NECTIN3: variants seen among roughly 807,000 people sequenced by gnomAD.
NECTIN3 encodes nectin cell adhesion molecule 3, also known as nectin-3.
Under a neutral mutation model 49.4 loss-of-function variants are expected in NECTIN3, and 8 were observed. That is an observed-to-expected ratio of 0.16 (90% CI 0.10 to 0.29). The LOEUF is 0.29. Ranked by LOEUF, NECTIN3 falls within the 10% of genes least tolerant of loss-of-function variation. The probability of loss-of-function intolerance (pLI) is 1.00; values close to 1 mark genes in which losing one functional copy is unlikely to be tolerated. For synonymous variants in NECTIN3, 277 were observed against 241.1 expected (o/e 1.15, Z -1.38); for missense variants, 581 against 654.6 (o/e 0.89, Z 1.23).
At chr3:111,077,189 G>T (rs1201113063) in intron 1 of NECTIN3, 2 of 437,136 alleles carry the variant, frequency 4.6e-6, no homozygotes, top group African/African-American at 4.0e-5. Context: ...CTTTAGTATG[G>T]CATCCAGGAG....
intron 5 of NECTIN3, among the ~76,000 whole-genome samples, chr3:111,143,154 ATC>A (rs1024660260): frequency 6.6e-6 from 1 of 151,822 alleles, no homozygotes; most frequent in African/African-American, 2.4e-5. Flanking sequence ...GTCATCCCAA[ATC>A]TCTCTCACAT....
Position 111,163,659 on chromosome 3 carries a change from C to T in NECTIN3, c.1221+16175C>T, listed in dbSNP as rs766822383. Among the ~76,000 whole-genome samples, 4 of 152,234 alleles carry T rather than the reference C, an allele frequency of 2.6e-5. No individual in the cohort carries two copies. The South Asian group carries it at 8.3e-4, about 32-fold the overall frequency. On this transcript the variant is annotated intron_variant, in intron 7 of 8. Coordinates refer to the NECTIN3 transcript ENST00000493615. ...ATATGTCATTGGATGGTCATAACATCTGCTGACCAATGAAAGACTGAAAGT... is the reference window on the plus strand; with the variant it reads ...ATATGTCATTGGATGGTCATAACATTTGCTGACCAATGAAAGACTGAAAGT...
chr3:111,166,738 G>A (rs530266844), intron 7 of NECTIN3, among the ~76,000 whole-genome samples: 5 of 152,240 alleles, frequency 3.3e-5, no homozygotes, highest in South Asian at 2.1e-4. Context: ...AATGATATTC[G>A]CTTGACAGTA....
intron 7 of NECTIN3, among the ~76,000 whole-genome samples, chr3:111,180,671 G>A (rs1189242950): frequency 6.6e-6 from 1 of 152,096 alleles, no homozygotes; most frequent in Non-Finnish European, 1.5e-5. Context: ...ATATGTGGTG[G>A]CCAGTTCTTT....
intron 1 of NECTIN3, among the ~76,000 whole-genome samples, chr3:111,087,546 G>C (rs533201641): frequency 3.2e-4 from 48 of 152,118 alleles, no homozygotes; most frequent in Non-Finnish European, 5.9e-4. Flanking sequence ...CCAGCTGCTT[G>C]GGAGGCTGAG....
At chr3:111,085,093 A>C (rs1441677930) in intron 1 of NECTIN3, among the ~76,000 whole-genome samples, 1 of 152,162 alleles carries the variant, frequency 6.6e-6, no homozygotes, top group Non-Finnish European at 1.5e-5. Context: ...TTGTCACATG[A>C]CGTTTTCCCT....
downstream of NECTIN3, among the ~76,000 whole-genome samples, chr3:111,138,634 T>A (rs2034656823): frequency 6.6e-6 from 1 of 151,670 alleles, no homozygotes; most frequent in African/African-American, 2.4e-5. Context: ...TTTAGAAGGA[T>A]AAAACATGAT....
In NECTIN3 at chr3:111,136,863, A is replaced by T. The variant is rs1015848297; in HGVS notation, c.*2648A>T. ...TGCCATTTTTTATTAAAATACATTG[A>T]AACTAAAGTAGGCTCGGGGTTAACT... On this transcript the variant is annotated 3_prime_UTR_variant, in exon 6 of 6. Transcript: ENST00000485303. 4 of 962,766 alleles carry T rather than the reference A, an allele frequency of 4.2e-6. No homozygotes were observed. The highest frequency in any genetic ancestry group is 4.9e-6 in the Non-Finnish European group (4 of 809,594). The allele number at this position is 962,766 out of a possible 1,614,324, so 59.6% of individuals were successfully genotyped here.
intron 7 of NECTIN3, among the ~76,000 whole-genome samples, chr3:111,166,639 G>A (rs1382248471): frequency 6.6e-6 from 1 of 152,164 alleles, no homozygotes; most frequent in Non-Finnish European, 1.5e-5. Context: ...CTAGATTAAG[G>A]TCTGCCATTA....
intron 2 of NECTIN3, among the ~76,000 whole-genome samples, 183 bp downstream of exon 2, chr3:111,112,554 G>A (rs1345577418): frequency 1.3e-5 from 2 of 151,996 alleles, no homozygotes; most frequent in East Asian, 3.9e-4. Context: ...ATAAAATCTT[G>A]TCTATATATA....
intron 1 of NECTIN3, among the ~76,000 whole-genome samples, chr3:111,089,058 A>G (rs905033619): frequency 3.9e-5 from 6 of 152,070 alleles, no homozygotes; most frequent in Non-Finnish European, 8.8e-5. Context: ...TGTCAACTTC[A>G]TGCTTTCAAA....
chr3:111,094,656 T>C (rs1531508), intron 1 of NECTIN3, among the ~76,000 whole-genome samples: 149,015 of 152,276 alleles, frequency 0.98, 72,990 homozygotes, highest in East Asian at 1. Flanking sequence ...CAGTCCTTTT[T>C]CAGAGTCTCA....
chr3:111,174,471 A>T (rs1389364912), intron 7 of NECTIN3, among the ~76,000 whole-genome samples: 2 of 152,132 alleles, frequency 1.3e-5, no homozygotes, highest in African/African-American at 4.8e-5. Context: ...AATATATGGA[A>T]TATGTACCTA....
intron 5 of NECTIN3, among the ~76,000 whole-genome samples, chr3:111,129,679 C>T (rs1403075422): frequency 6.6e-6 from 1 of 151,220 alleles, no homozygotes. Flanking sequence ...GAGACAGTCT[C>T]GCTCTGTCGC....
At chr3:111,106,545 C>G (rs919563060) in intron 1 of NECTIN3, among the ~76,000 whole-genome samples, 1 of 152,066 alleles carries the variant, frequency 6.6e-6, no homozygotes, top group African/African-American at 2.4e-5. Context: ...TATTGAAAAA[C>G]CTTTTTGTTA....
intron 7 of NECTIN3, among the ~76,000 whole-genome samples, chr3:111,148,121 C>CTAG (rs1295851406): frequency 6.6e-6 from 1 of 152,164 alleles, no homozygotes; most frequent in Non-Finnish European, 1.5e-5. Context: ...CATGTTGGAT[C>CTAG]TCTAAGCTGT....
At position 111,136,728 on chromosome 3, in the gene NECTIN3, C is replaced by T; in HGVS notation, c.*2513C>T. The T allele has an allele frequency of 1.1e-6, 1 of 919,348 alleles. No individual in the cohort carries two copies. Among genetic ancestry groups the T allele is most frequent in the Non-Finnish European group, 1.3e-6 (1 of 770,300 alleles). 56.9% of individuals were successfully genotyped at this position (919,348 alleles called of 1,614,324 possible). On this transcript the variant is annotated 3_prime_UTR_variant, in exon 6 of 6. Coordinates refer to ENST00000485303, the MANE Select transcript of NECTIN3 (RefSeq NM_015480.3). Reference sequence around the variant, plus strand: ...TGGCCATATTTATATTTATTTCTTTCATATGGTTTGAACTGTTTTAGCATT... The same window carrying T: ...TGGCCATATTTATATTTATTTCTTTTATATGGTTTGAACTGTTTTAGCATT...
downstream of NECTIN3, chr3:111,137,629 A>T (rs867691873): frequency 4.7e-5 from 16 of 341,278 alleles, no homozygotes; most frequent in Non-Finnish European, 6.2e-5. Flanking sequence ...GTGTGTGTGT[A>T]TGTGCGTGTG....
At position 111,122,118 on chromosome 3, in the gene NECTIN3, T is replaced by C. The variant is rs775491264; in HGVS notation, c.800-3T>C. 7 of 1,582,186 alleles carry C rather than the reference T, an allele frequency of 4.4e-6. No homozygotes were observed. The highest frequency in any genetic ancestry group is 5.2e-6 in the Non-Finnish European group (6 of 1,151,358). ...TCTGTCCTGTCATGCATTTATTTTA[T>C]AGATGCTCCTGAAGTTTCGGTAACA... On this transcript the variant is annotated splice_polypyrimidine_tract_variant and splice_region_variant and intron_variant, in intron 3 of 5. Coordinates refer to ENST00000485303, the MANE Select transcript of NECTIN3 (RefSeq NM_015480.3).
Sources: gnomAD v4.1 joint callset for allele counts (sites outside exome capture counted in the v4.1 genomes callset) on GRCh38, gnomAD v4.1.1 for gene constraint, MANE v1.5 for transcripts, NCBI Gene and HGNC (gene_info 2026-07-23, HGNC 2026-07-21) for gene names.